CACNG3: variants seen among roughly 807,000 people sequenced by gnomAD.
CACNG3 encodes the protein voltage-dependent calcium channel gamma-3 subunit.
In CACNG3, 3 loss-of-function variants were observed where a neutral mutation model predicts 28.5. That is an observed-to-expected ratio of 0.11 (90% CI 0.05 to 0.27). The LOEUF is 0.27. Ranked by LOEUF, CACNG3 falls within the 10% of genes least tolerant of loss-of-function variation. The pLI is 1.00. For synonymous variants in CACNG3, 174 were observed against 162.2 expected (o/e 1.07, Z -0.55); for missense variants, 236 against 414.4 (o/e 0.57, Z 3.74).
chr16:24,333,709 G>C (rs1168097562), intron 1 of CACNG3, among the ~76,000 whole-genome samples: 1 of 152,106 alleles, frequency 6.6e-6, no homozygotes, highest in East Asian at 1.9e-4. Context: ...GGGTATGGTG[G>C]CGTGCACCTG....
chr16:24,309,415 A>G (rs1270602992), intron 1 of CACNG3, among the ~76,000 whole-genome samples: 2 of 152,116 alleles, frequency 1.3e-5, no homozygotes, highest in Non-Finnish European at 2.9e-5. Context: ...TCTTTACAAA[A>G]AGCTATGAGC....
intron 1 of CACNG3, among the ~76,000 whole-genome samples, chr16:24,313,609 C>T (rs998498108): frequency 4.6e-5 from 7 of 152,032 alleles, no homozygotes; most frequent in African/African-American, 1.7e-4. Flanking sequence ...CCTCCTGAGC[C>T]AGGCACATGT....
chr16:24,296,090 T>C (rs1445748270), intron 1 of CACNG3, among the ~76,000 whole-genome samples: 1 of 152,168 alleles, frequency 6.6e-6, no homozygotes. Context: ...GATCTTTAGA[T>C]TCAGGTCCAA....
At chr16:24,309,039 GACA>G (rs1899226054) in intron 1 of CACNG3, among the ~76,000 whole-genome samples, 2 of 152,150 alleles carry the variant, frequency 1.3e-5, no homozygotes, top group South Asian at 4.2e-4. Context: ...TGGAAACTAA[GACA>G]CAGATGTGTC....
intron 1 of CACNG3, among the ~76,000 whole-genome samples, chr16:24,287,184 C>T (rs1004714985): frequency 2.0e-5 from 3 of 152,166 alleles, no homozygotes; most frequent in African/African-American, 7.2e-5. Context: ...TGGCCTTTCC[C>T]CATTCTGTTG....
At chr16:24,269,288 A>G (rs1344714333) in intron 1 of CACNG3, among the ~76,000 whole-genome samples, 1 of 152,256 alleles carries the variant, frequency 6.6e-6, no homozygotes, top group African/African-American at 2.4e-5. Flanking sequence ...CAGAAGAAAG[A>G]TAATTCAATT....
chr16:24,294,477 G>A (rs1325582847), intron 1 of CACNG3, among the ~76,000 whole-genome samples: 1 of 152,128 alleles, frequency 6.6e-6, no homozygotes, highest in South Asian at 2.1e-4. Flanking sequence ...TATAGCCAGG[G>A]GATGCTTGGC....
chr16:24,358,854 T>C (rs1354910325), intron 3 of CACNG3, among the ~76,000 whole-genome samples: 1 of 152,238 alleles, frequency 6.6e-6, no homozygotes, highest in Non-Finnish European at 1.5e-5. Context: ...ACTTACCTTC[T>C]CTGTGTCTGT....
intron 1 of CACNG3, among the ~76,000 whole-genome samples, chr16:24,261,233 G>T (rs1898533099): frequency 1.3e-5 from 2 of 152,202 alleles, no homozygotes; most frequent in African/African-American, 4.8e-5. Context: ...CAGGTTTGGA[G>T]GCGGGTAACG....
At chr16:24,325,067 G>A (rs145653846) in intron 1 of CACNG3, among the ~76,000 whole-genome samples, 17 of 152,222 alleles carry the variant, frequency 1.1e-4, no homozygotes, top group East Asian at 9.7e-4. Flanking sequence ...TCATGCCTGC[G>A]GAGCCACAGT....
intron 1 of CACNG3, among the ~76,000 whole-genome samples, chr16:24,271,233 A>G (rs1170718247): frequency 6.6e-6 from 1 of 152,136 alleles, no homozygotes; most frequent in African/African-American, 2.4e-5. Flanking sequence ...CAAGTACTTT[A>G]GCTCTAGGCT....
intron 1 of CACNG3, among the ~76,000 whole-genome samples, chr16:24,337,734 T>A (rs1899730832): frequency 6.6e-6 from 1 of 151,878 alleles, no homozygotes; most frequent in Non-Finnish European, 1.5e-5. Context: ...CCCTCCCCAT[T>A]CCTGCATGTT....
chr16:24,296,749 A>C (rs1899036110), intron 1 of CACNG3, among the ~76,000 whole-genome samples: 1 of 152,238 alleles, frequency 6.6e-6, no homozygotes, highest in African/African-American at 2.4e-5. Flanking sequence ...AAGGGAGAAG[A>C]GAGGGGCTGC....
intron 1 of CACNG3, among the ~76,000 whole-genome samples, chr16:24,336,174 G>A (rs909329956): frequency 7.3e-5 from 11 of 151,664 alleles, no homozygotes; most frequent in East Asian, 2.0e-4. Flanking sequence ...GCAGTGAGCC[G>A]AGATTGCACC....
rs1899285369 is a variant in CACNG3 at position 24,312,920 on chromosome 16, G to GAAAGAAAGAAAGA, written c.212-33812_212-33811insAGAAAGAAAGAAA. Reference sequence around the variant, plus strand: ...GGAAAGAAAGAAGGAAGGAAGGAAGGAAGAAAGAAAGAAAGAAAGAAAGAA... The same window carrying GAAAGAAAGAAAGA: ...GGAAAGAAAGAAGGAAGGAAGGAAGGAAAGAAAGAAAGAAAGAAAGAAAGAAAGAAAGAAAGAA... On this transcript the variant is annotated intron_variant, in intron 1 of 3. Transcript: ENST00000005284. Among the ~76,000 whole-genome samples the GAAAGAAAGAAAGA allele has an allele frequency of 2.0e-4, 25 of 122,132 alleles. 1 individual carries two copies. The highest frequency in any genetic ancestry group is 8.2e-4 in the African/African-American group (25 of 30,656). The allele number at this position is 122,132 out of a possible 152,430, so 80.1% of individuals were successfully genotyped here. A position where few individuals can be genotyped will look rare whatever the true frequency, so the allele number is the denominator to read the frequency against.
chr16:24,260,657 G>C (rs1457313062), intron 1 of CACNG3, among the ~76,000 whole-genome samples: 1 of 152,190 alleles, frequency 6.6e-6, no homozygotes, highest in Admixed American at 6.5e-5. Flanking sequence ...TTTCCATTCA[G>C]AAGTTTCAGA....
intron 1 of CACNG3, among the ~76,000 whole-genome samples, chr16:24,289,845 G>C (rs1415455490): frequency 6.6e-6 from 1 of 152,214 alleles, no homozygotes; most frequent in Admixed American, 6.5e-5. Context: ...TGAAGATCAG[G>C]CGAGTTCATC....
chr16:24,299,118 A>C (rs538441045), intron 1 of CACNG3, among the ~76,000 whole-genome samples: 2 of 152,258 alleles, frequency 1.3e-5, no homozygotes, highest in East Asian at 3.9e-4. Flanking sequence ...AAGGAGTAGG[A>C]AATTAGGCTT....
At chr16:24,357,215 T>C (rs901501986) in intron 3 of CACNG3, among the ~76,000 whole-genome samples, 2 of 134,826 alleles carry the variant, frequency 1.5e-5, no homozygotes, top group Non-Finnish European at 3.0e-5. Context: ...GCCTGGTGAC[T>C]GAGTGACACT....
Sources: gnomAD v4.1 joint callset for allele counts (sites outside exome capture counted in the v4.1 genomes callset) on GRCh38, gnomAD v4.1.1 for gene constraint, MANE v1.5 for transcripts, NCBI Gene and HGNC (gene_info 2026-07-23, HGNC 2026-07-21) for gene names.